The following CPSF2 variants were observed in gnomAD, a reference collection of about 807,000 sequenced individuals.
The protein encoded by CPSF2 is cleavage and polyadenylation specific factor 2.
A neutral mutation model predicts 84.2 loss-of-function variants in CPSF2; 51 were observed. That is an observed-to-expected ratio of 0.61 (90% CI 0.48 to 0.77). The LOEUF (loss-of-function observed/expected upper bound fraction) is 0.77. Ranked by LOEUF, CPSF2 falls within the 30% of genes least tolerant of loss-of-function variation. The pLI, the probability that CPSF2 is intolerant of heterozygous loss-of-function variation, is 0.00. For synonymous variants in CPSF2, 286 were observed against 311.9 expected (o/e 0.92, Z 0.87); for missense variants, 641 against 929.4 (o/e 0.69, Z 4.03).
Position 92,167,060 on chromosome 14 carries a change from G to A in CPSF2, c.*5316G>A, listed in dbSNP as rs893518328. ...AGCATCTTGCTTTGTCACCCAGGCT[G>A]GAGTGCTATGGCTCAATCTCAGCTC... On this transcript the variant is annotated 3_prime_UTR_variant, in exon 16 of 16. Coordinates refer to ENST00000298875, the MANE Select transcript of CPSF2 (RefSeq NM_017437.3). 6.3e-5 allele frequency: 9 copies of A among 142,162 alleles called. No individual in the cohort carries two copies. Among genetic ancestry groups the A allele is most frequent in the African/African-American group, 2.4e-4 (9 of 37,510 alleles). 8.8% of individuals were successfully genotyped at this position (142,162 alleles called of 1,614,324 possible). A position where few individuals can be genotyped will look rare whatever the true frequency, so the allele number is the denominator to read the frequency against.
intron 7 of CPSF2, 76 bp from the exon 8 acceptor site, chr14:92,142,088 G>C: frequency 8.9e-7 from 1 of 1,119,052 alleles, no homozygotes; most frequent in Admixed American, 2.5e-5. Flanking sequence ...AATAAAAACA[G>C]GGAGATAAAA....
intron 5 of CPSF2, among the ~76,000 whole-genome samples, chr14:92,134,970 A>G (rs908933243): frequency 6.6e-6 from 1 of 152,264 alleles, no homozygotes; most frequent in African/African-American, 2.4e-5. Flanking sequence ...ATTCTTTAGC[A>G]CAATGAGATT....
chr14:92,151,073 G>A lies in CPSF2; in HGVS notation c.1141-3285G>A, dbSNP rs141694647. Among the ~76,000 whole-genome samples the A allele has an allele frequency of 2.2e-4, 33 of 152,164 alleles. No individual in the cohort carries two copies. The East Asian group carries it at 2.9e-3, about 13-fold the overall frequency. On this transcript the variant is annotated intron_variant, in intron 9 of 15. Coordinates refer to ENST00000298875, the MANE Select transcript of CPSF2 (RefSeq NM_017437.3). ...CCAATTAATTATGTTAGAAAATAAT[G>A]CACAAATTAAAAGATCCATTCAAAA...
intron 3 of CPSF2, among the ~76,000 whole-genome samples, chr14:92,132,142 A>T (rs555167557): frequency 2.7e-5 from 4 of 150,752 alleles, no homozygotes; most frequent in East Asian, 2.0e-4. Context: ...TTTTATTATT[A>T]TTTTTTTTTG....
intron 3 of CPSF2, among the ~76,000 whole-genome samples, chr14:92,132,295 G>A (rs1396637361): frequency 6.6e-6 from 1 of 151,420 alleles, no homozygotes. Flanking sequence ...CCACCCGGCC[G>A]GCTAAGTTTT....
chr14:92,140,434 C>CTTTT (rs35320936), intron 7 of CPSF2, among the ~76,000 whole-genome samples: 1 of 123,362 alleles, frequency 8.1e-6, no homozygotes, highest in African/African-American at 3.0e-5. Flanking sequence ...ACCCCCATCT[C>CTTTT]TTTTTTTTTT....
Position 92,168,929 on chromosome 14 carries a change from A to C in CPSF2, c.*7185A>C, listed in dbSNP as rs2141494187. ...TATGTGCTTTTTTTGTGAAATTGTT[A>C]AGGATTCCATGATCCTACTAAAATT... On this transcript the variant is annotated 3_prime_UTR_variant, in exon 16 of 16. Transcript: ENST00000298875. 2 of 152,256 alleles carry C rather than the reference A, an allele frequency of 1.3e-5. 1 individual carries two copies. The highest frequency in any genetic ancestry group is 4.1e-4 in the South Asian group (2 of 4,828). 9.4% of individuals were successfully genotyped at this position (152,256 alleles called of 1,614,324 possible).
At chr14:92,151,453 TAACAC>T (rs71412343) in intron 9 of CPSF2, among the ~76,000 whole-genome samples, 24,779 of 150,736 alleles carry the variant, frequency 0.16, 2,233 homozygotes, top group East Asian at 0.4. Context: ...AAAAAAAAAT[TAACAC>T]AACAGAGTAT....
intron 9 of CPSF2, chr14:92,154,155 G>C (rs1369437579): frequency 2.5e-6 from 1 of 404,672 alleles, no homozygotes; most frequent in Admixed American, 3.9e-5. Flanking sequence ...ACCCATTCTA[G>C]ATGATGTGTG....
rs532576335 is a variant in CPSF2, at chr14:92,160,010, T to C, written c.2121+728T>C. Among the ~76,000 whole-genome samples, 349 of 152,280 alleles carry C rather than the reference T, an allele frequency of 2.3e-3. 4 individuals carry two copies. Among genetic ancestry groups the C allele is most frequent in the African/African-American group, 8.0e-3 (332 of 41,560 alleles). On this transcript the variant is annotated intron_variant, in intron 14 of 15. Coordinates refer to ENST00000298875, the MANE Select transcript of CPSF2 (RefSeq NM_017437.3). ...TGGAGTCTCGCTCTGTTGCCCAGGATTGAGTGCAGTGGTGTGATCTTGTCT... is the reference window on the plus strand; with the variant it reads ...TGGAGTCTCGCTCTGTTGCCCAGGACTGAGTGCAGTGGTGTGATCTTGTCT...
chr14:92,147,887 C>A (rs759196474), intron 9 of CPSF2, among the ~76,000 whole-genome samples: 4 of 152,006 alleles, frequency 2.6e-5, no homozygotes, highest in Non-Finnish European at 4.4e-5. Flanking sequence ...CCATGCCCAG[C>A]TAATTTAAAA....
intron 14 of CPSF2, 101 bp from the exon 15 acceptor site, chr14:92,161,011 G>T: frequency 8.8e-7 from 1 of 1,137,072 alleles, no homozygotes; most frequent in Non-Finnish European, 1.3e-6. Flanking sequence ...GGGAATAATA[G>T]AAAATCTCTT....
At chr14:92,128,976 G>A (rs2068880665) in intron 2 of CPSF2, among the ~76,000 whole-genome samples, 1 of 152,166 alleles carries the variant, frequency 6.6e-6, no homozygotes, top group Admixed American at 6.5e-5. Context: ...ATGAGGCCAG[G>A]TGAATAGATG....
chr14:92,123,809 C>T (rs1428576493), intron 1 of CPSF2, among the ~76,000 whole-genome samples: 1 of 152,210 alleles, frequency 6.6e-6, no homozygotes, highest in African/African-American at 2.4e-5. Flanking sequence ...AGGCTTCATT[C>T]CTTCTTGCAG....
chr14:92,160,341 T>C (rs762796462), intron 14 of CPSF2, among the ~76,000 whole-genome samples: 1 of 152,228 alleles, frequency 6.6e-6, no homozygotes, highest in African/African-American at 2.4e-5. Flanking sequence ...TCTTTAAGTA[T>C]AGATATAATT....
intron 11 of CPSF2, among the ~76,000 whole-genome samples, chr14:92,156,265 G>T (rs2069288543): frequency 6.6e-6 from 1 of 152,172 alleles, no homozygotes; most frequent in South Asian, 2.1e-4. Flanking sequence ...TCCAGCCTGG[G>T]TGACAGAGGG....
chr14:92,153,353 A>G (rs908075910), intron 9 of CPSF2, among the ~76,000 whole-genome samples: 1 of 152,120 alleles, frequency 6.6e-6, no homozygotes, highest in African/African-American at 2.4e-5. Flanking sequence ...GCTCTTAGGA[A>G]AAAATCATTT....
chr14:92,152,651 C>T (rs34322649), intron 9 of CPSF2, among the ~76,000 whole-genome samples: 24,642 of 151,830 alleles, frequency 0.16, 2,242 homozygotes, highest in East Asian at 0.4. Context: ...GTTGGCCAGG[C>T]TGGTCTCGGA....
Position 92,157,579 on chromosome 14 carries a change from A to G in CPSF2, c.1596-80A>G, listed in dbSNP as rs1567026069. 1 of 807,998 alleles carries G rather than the reference A, an allele frequency of 1.2e-6. No homozygotes were observed. The highest frequency in any genetic ancestry group is 2.7e-5 in the East Asian group (1 of 37,684). 50.1% of individuals were successfully genotyped at this position (807,998 alleles called of 1,614,324 possible). ...TGTGTATTTCTCAAATCCTAGTGTT[A>G]TATATTGTATACATGATAAAAGCCA... is the stretch of plus-strand genomic sequence containing the variant. On this transcript the variant is annotated intron_variant, in intron 12 of 15. Transcript: ENST00000298875. This position sits in a 1 kb window ranked among gnomAD's most constrained non-coding sequence, Gnocchi z 4.0.
Sources: allele counts gnomAD v4.1 joint callset (sites outside exome capture counted in the v4.1 genomes callset), GRCh38; gene constraint gnomAD v4.1.1; non-coding constraint Gnocchi (gnomAD v3.1); transcripts MANE v1.5; gene names NCBI Gene and HGNC (gene_info 2026-07-23, HGNC 2026-07-21).